The following TRAPPC9 variants were observed in gnomAD, a reference collection of about 807,000 sequenced individuals.
The protein encoded by TRAPPC9 is trafficking protein particle complex subunit 9.
In TRAPPC9, 83 loss-of-function variants were observed where a neutral mutation model predicts 124.0. The ratio of observed to expected loss-of-function variants is 0.67; its 90% CI spans 0.56 to 0.80. TRAPPC9 has a LOEUF of 0.80. Ranked by LOEUF, TRAPPC9 falls within the 30% of genes least tolerant of loss-of-function variation. The pLI is 0.00. For synonymous variants in TRAPPC9, 638 were observed against 617.5 expected (o/e 1.03, Z -0.49); for missense variants, 1,302 against 1,508.3 (o/e 0.86, Z 2.27).
chr8:140,285,190 A>G (rs2065448807), intron 13 of TRAPPC9, among the ~76,000 whole-genome samples: 1 of 152,224 alleles, frequency 6.6e-6, no homozygotes, highest in Non-Finnish European at 1.5e-5. Context: ...ACCCAGGATA[A>G]ACAACCAAGA....
At chr8:139,947,296 T>A (rs1360693313) in intron 19 of TRAPPC9, among the ~76,000 whole-genome samples, 1 of 152,148 alleles carries the variant, frequency 6.6e-6, no homozygotes, top group Non-Finnish European at 1.5e-5. Flanking sequence ...GGTACTAATC[T>A]CCATCAACGC....
intron 19 of TRAPPC9, among the ~76,000 whole-genome samples, chr8:139,971,009 A>C (rs1836026952): frequency 7.2e-6 from 1 of 139,798 alleles, no homozygotes; most frequent in South Asian, 2.3e-4. Flanking sequence ...CATACCCCAC[A>C]CCCCTAAACC....
chr8:139,875,463 G>A (rs1202351373), intron 21 of TRAPPC9, among the ~76,000 whole-genome samples: 1 of 152,206 alleles, frequency 6.6e-6, no homozygotes, highest in Non-Finnish European at 1.5e-5. Flanking sequence ...TCTGAATATA[G>A]GTTGTTTTCA....
At chr8:140,429,884 C>T (rs113829814) in intron 4 of TRAPPC9, among the ~76,000 whole-genome samples, 4,203 of 151,002 alleles carry the variant, frequency 0.028, 193 homozygotes, top group African/African-American at 0.092. Flanking sequence ...TGGTGGCTCA[C>T]GCCTGTAATT....
chr8:140,042,047 T>C (rs997061661), intron 17 of TRAPPC9, among the ~76,000 whole-genome samples: 10 of 152,240 alleles, frequency 6.6e-5, no homozygotes, highest in African/African-American at 1.9e-4. Flanking sequence ...TTGGGACAGT[T>C]TGAATATGGA....
intron 5 of TRAPPC9, among the ~76,000 whole-genome samples, chr8:140,417,787 A>G (rs1287150865): frequency 2.6e-5 from 4 of 152,226 alleles, no homozygotes; most frequent in Non-Finnish European, 1.5e-5. Flanking sequence ...CACTGTTCAC[A>G]ATAGCAAAGA....
chr8:140,159,619 T>G (rs576127147), intron 17 of TRAPPC9, among the ~76,000 whole-genome samples: 14 of 152,286 alleles, frequency 9.2e-5, no homozygotes, highest in African/African-American at 2.4e-4. Context: ...TTAGCTAAAG[T>G]AAGGAAGGAA....
At chr8:140,432,698 C>G (rs2070687121) in intron 4 of TRAPPC9, among the ~76,000 whole-genome samples, 1 of 151,968 alleles carries the variant, frequency 6.6e-6, no homozygotes, top group Admixed American at 6.6e-5. Flanking sequence ...CGGTGAAATC[C>G]TGTCTCTACT....
chr8:139,914,647 A>C (rs1165050127), intron 19 of TRAPPC9, among the ~76,000 whole-genome samples: 1 of 152,220 alleles, frequency 6.6e-6, no homozygotes, highest in Non-Finnish European at 1.5e-5. Flanking sequence ...CTTAGCACCC[A>C]CACAGGGTCT....
At position 140,204,294 on chromosome 8, in the gene TRAPPC9, T is replaced by TA. The variant is rs371683210; in HGVS notation, c.2556+17164dup. 5.4e-3 allele frequency among the ~76,000 whole-genome samples: 819 copies of TA among 151,876 alleles called. 5 individuals are homozygous for TA. Among genetic ancestry groups the TA allele is most frequent in the African/African-American group, 0.018 (745 of 41,408 alleles). Reference sequence around the variant, plus strand: ...TACACCATGGAATACTATGCAGCCATAAAAAAGGATGAGTTCATGTCCTTT... The same window carrying TA: ...TACACCATGGAATACTATGCAGCCATAAAAAAAGGATGAGTTCATGTCCTTT... On this transcript the variant is annotated intron_variant, in intron 17 of 22. Transcript: ENST00000438773.
At chr8:140,027,111 G>C (rs527361291) in intron 17 of TRAPPC9, among the ~76,000 whole-genome samples, 1 of 152,142 alleles carries the variant, frequency 6.6e-6, no homozygotes, top group Non-Finnish European at 1.5e-5. Context: ...TCATCTGTTT[G>C]ATCTATTTTT....
rs566292378 is a variant in TRAPPC9 at position 140,071,558 on chromosome 8, G to A, written c.2557-47479C>T. Among the ~76,000 whole-genome samples the A allele has an allele frequency of 1.4e-4, 22 of 152,304 alleles. No individual in the cohort carries two copies. In the South Asian group the frequency reaches 4.6e-3, roughly 32 times the overall value. On this transcript the variant is annotated intron_variant, in intron 17 of 22. Transcript: ENST00000438773. The stretch of plus-strand genomic sequence containing the variant: ...AGGCCCTGACGTGCTGGACAAAGGG[G>A]CCTTCCCTGGAGTTGCACAGTCCTG...
At chr8:140,196,552 C>T (rs1337761632) in intron 17 of TRAPPC9, among the ~76,000 whole-genome samples, 4 of 104,118 alleles carry the variant, frequency 3.8e-5, no homozygotes, top group East Asian at 3.1e-4. Flanking sequence ...AACGATCCAC[C>T]ATACAGATCA....
chr8:140,002,926 T>C (rs1185355912), intron 18 of TRAPPC9, among the ~76,000 whole-genome samples: 4 of 117,432 alleles, frequency 3.4e-5, no homozygotes, highest in East Asian at 2.6e-4. Context: ...CACAGGTAAA[T>C]GCAAAACAAA....
intron 17 of TRAPPC9, among the ~76,000 whole-genome samples, chr8:140,203,589 T>G (rs532084394): frequency 4.3e-4 from 65 of 152,126 alleles, no homozygotes; most frequent in African/African-American, 1.5e-3. Context: ...AATGGCAAGT[T>G]TCCTAGCAGG....
At chr8:140,217,334 C>T (rs553336048) in intron 17 of TRAPPC9, among the ~76,000 whole-genome samples, 1 of 152,226 alleles carries the variant, frequency 6.6e-6, no homozygotes, top group African/African-American at 2.4e-5. Flanking sequence ...TGGAATGGCA[C>T]AAGGAAGGTG....
chr8:140,379,214 C>G (rs1327335153), intron 7 of TRAPPC9, among the ~76,000 whole-genome samples: 2 of 152,018 alleles, frequency 1.3e-5, no homozygotes, highest in Non-Finnish European at 2.9e-5. Context: ...GTGCTGGTGT[C>G]CGAGGCAGGC....
At chr8:140,343,951 G>A (rs2067264415) in intron 9 of TRAPPC9, among the ~76,000 whole-genome samples, 1 of 152,160 alleles carries the variant, frequency 6.6e-6, no homozygotes, top group Non-Finnish European at 1.5e-5. Flanking sequence ...CCCAAGCCGA[G>A]ACAGAGTGGA....
intron 18 of TRAPPC9, among the ~76,000 whole-genome samples, chr8:139,991,999 A>G (rs1167056331): frequency 6.6e-6 from 1 of 152,140 alleles, no homozygotes; most frequent in Non-Finnish European, 1.5e-5. Flanking sequence ...GTGAGGGAAA[A>G]GGGCAGGACC....
Sources: gnomAD v4.1 joint callset for allele counts (sites outside exome capture counted in the v4.1 genomes callset) on GRCh38, gnomAD v4.1.1 for gene constraint, MANE v1.5 for transcripts, NCBI Gene and HGNC (gene_info 2026-07-23, HGNC 2026-07-21) for gene names.